SCN11A: variants seen among roughly 807,000 people sequenced by gnomAD.
The protein encoded by SCN11A is sodium voltage-gated channel alpha subunit 11.
In SCN11A, 122 loss-of-function variants were observed where a neutral mutation model predicts 162.2. The observed-to-expected ratio is 0.75, with a 90% CI of 0.65 to 0.87. The LOEUF (loss-of-function observed/expected upper bound fraction) is 0.87, where lower values mean the gene tolerates loss of function less well. Ranked by LOEUF, SCN11A falls within the 40% of genes least tolerant of loss-of-function variation. SCN11A has a pLI of 0.00. For synonymous variants in SCN11A, 758 were observed against 751.5 expected (o/e 1.01, Z -0.14); for missense variants, 2,015 against 2,181.6 (o/e 0.92, Z 1.52).
chr3:38,903,837 T>G, intron 16 of SCN11A, 28 bp downstream of exon 16: 1 of 1,474,248 alleles, frequency 6.8e-7, no homozygotes, highest in Non-Finnish European at 9.3e-7. Flanking sequence ...TGAAATATGT[T>G]TTTTATTTTT....
chr3:38,907,349 TCTATATATACACACACACACACACACAC>T (rs2065814014), intron 14 of SCN11A, among the ~76,000 whole-genome samples: 1 of 16,536 alleles, frequency 6.0e-5, no homozygotes, highest in African/African-American at 9.2e-5. Flanking sequence ...TGTGTATATA[TCTATATATACACACACACACACACACAC>T]ACACACACAC....
At chr3:38,871,102 A>T (rs2065118863) in intron 25 of SCN11A, among the ~76,000 whole-genome samples, 1 of 152,216 alleles carries the variant, frequency 6.6e-6, no homozygotes, top group African/African-American at 2.4e-5. Flanking sequence ...AAGACCTGGC[A>T]ACTGTGCTTT....
chr3:38,954,680 A>G (rs2066660565), intron 3 of SCN11A, among the ~76,000 whole-genome samples: 1 of 152,180 alleles, frequency 6.6e-6, no homozygotes, highest in Non-Finnish European at 1.5e-5. Flanking sequence ...ACACACACCT[A>G]AAGAACCACA....
At chr3:38,877,411 CTATATATATGG>C (rs1192670892) in intron 23 of SCN11A, among the ~76,000 whole-genome samples, 1 of 1,734 alleles carries the variant, frequency 5.8e-4, no homozygotes, top group African/African-American at 2.6e-3. Flanking sequence ...GGTGTATATA[CTATATATATGG>C]TATATATATG....
chr3:38,858,135 G>A (rs1200109676), intron 28 of SCN11A, among the ~76,000 whole-genome samples: 1 of 152,064 alleles, frequency 6.6e-6, no homozygotes, highest in Non-Finnish European at 1.5e-5. Context: ...AAAGTATTTA[G>A]GCAACAACTA....
At chr3:38,945,564 G>T in intron 6 of SCN11A, 52 bp from the exon 7 acceptor site, 1 of 1,300,934 alleles carries the variant, frequency 7.7e-7, no homozygotes, top group Non-Finnish European at 1.1e-6. Flanking sequence ...TGCATCATTA[G>T]CTACTGGGTA....
At chr3:38,873,748 C>T (rs561781731) in intron 23 of SCN11A, among the ~76,000 whole-genome samples, 2 of 152,332 alleles carry the variant, frequency 1.3e-5, no homozygotes, top group South Asian at 2.1e-4. Flanking sequence ...GAAACACCCA[C>T]ATTCTTTCCC....
At chr3:39,025,424 C>G (rs957797996) in intron 2 of SCN11A, among the ~76,000 whole-genome samples, 1 of 152,238 alleles carries the variant, frequency 6.6e-6, no homozygotes, top group Non-Finnish European at 1.5e-5. Flanking sequence ...GCACAGGACG[C>G]GCAGCTGGTT....
At chr3:39,037,824 AAAG>A (rs1256965948) in intron 1 of SCN11A, among the ~76,000 whole-genome samples, 2 of 152,324 alleles carry the variant, frequency 1.3e-5, no homozygotes, top group African/African-American at 2.4e-5. Context: ...AGCCGAAAAT[AAAG>A]AAGGATGTTA....
At chr3:38,981,641 T>C (rs146609390) in intron 2 of SCN11A, among the ~76,000 whole-genome samples, 231 of 151,868 alleles carry the variant, frequency 1.5e-3, no homozygotes, top group African/African-American at 5.4e-3. Flanking sequence ...CAAAGTGCCA[T>C]AGTAGCCATC....
intron 17 of SCN11A, 66 bp downstream of exon 17, chr3:38,899,828 C>T: frequency 1.5e-6 from 2 of 1,329,314 alleles, no homozygotes; most frequent in Admixed American, 1.9e-5. Flanking sequence ...AACCACTGAA[C>T]TCACTCAAAA....
Position 38,926,601 on chromosome 3 carries a change from A to T in SCN11A, c.617+202T>A, listed in dbSNP as rs112060534. ...TGAAGGAACACGAACTTGAGTGTTG[A>T]CCTAGAAATGGCTTTGTGTGTGGGG... On this transcript the variant is annotated intron_variant, in intron 8 of 29. Coordinates refer to ENST00000302328, the MANE Select transcript of SCN11A (RefSeq NM_001349253.2). 0.011 allele frequency among the ~76,000 whole-genome samples: 1,668 copies of T among 151,910 alleles called. 34 individuals carry two copies. The highest frequency in any genetic ancestry group is 0.039 in the African/African-American group (1,601 of 41,368).
rs1267164388 is a variant in SCN11A, at chr3:38,846,888, TG to T, written c.5181del (p.Thr1728ProfsTer21). ...LKKLYEPIVT[T>X]TKRKEEERGA... ...CCTCTTTCCTCTTCCTTTCTCTTGG[TG>T]GTGGTGACTATGGGTTCATACAACT... On this transcript the variant is annotated frameshift_variant, in exon 30 of 30. Coordinates refer to ENST00000302328, the MANE Select transcript of SCN11A (RefSeq NM_001349253.2). LOFTEE classifies it low-confidence loss of function (END_TRUNC). 1 of 1,614,160 alleles carries T rather than the reference TG, an allele frequency of 6.2e-7. No individual in the cohort carries two copies.
intron 1 of SCN11A, among the ~76,000 whole-genome samples, chr3:39,041,372 C>A (rs2032045760): frequency 6.6e-6 from 1 of 152,052 alleles, no homozygotes; most frequent in South Asian, 2.1e-4. Flanking sequence ...CAAATATAGT[C>A]AACCCAAAAA....
In SCN11A at chr3:38,886,106, A is replaced by G; in HGVS notation, c.2949+19T>C. Reference sequence around the variant, plus strand: ...TGGATGAGCCACAAGTTCCTCTGACAACATCCTAGGAAAATTACCTTTCGG... The same window carrying G: ...TGGATGAGCCACAAGTTCCTCTGACGACATCCTAGGAAAATTACCTTTCGG... On this transcript the variant is annotated intron_variant, in intron 20 of 29. Transcript: ENST00000302328. 6.5e-7 allele frequency: 1 copy of G among 1,534,702 alleles called. No individual in the cohort carries two copies. Among genetic ancestry groups the G allele is most frequent in the Non-Finnish European group, 9.0e-7 (1 of 1,109,554 alleles).
chr3:38,893,241 A>G (rs1464437314), intron 19 of SCN11A, among the ~76,000 whole-genome samples: 2 of 152,180 alleles, frequency 1.3e-5, no homozygotes, highest in East Asian at 3.8e-4. Context: ...AAATAGATTT[A>G]AAAACAAAAA....
intron 1 of SCN11A, among the ~76,000 whole-genome samples, chr3:39,035,604 T>A (rs2125613558): frequency 6.6e-6 from 1 of 152,214 alleles, no homozygotes; most frequent in African/African-American, 2.4e-5. Context: ...TGAAGTGCAG[T>A]GGCTATTCAC....
intron 27 of SCN11A, among the ~76,000 whole-genome samples, chr3:38,865,081 T>C (rs890588386): frequency 2.6e-5 from 4 of 152,156 alleles, no homozygotes; most frequent in African/African-American, 9.7e-5. Flanking sequence ...GTCTGTGGTT[T>C]GCTCCATAAA....
chr3:38,918,487 TCTAA>T (rs2065995677), intron 11 of SCN11A, among the ~76,000 whole-genome samples: 1 of 152,188 alleles, frequency 6.6e-6, no homozygotes, highest in African/African-American at 2.4e-5. Context: ...CTTATGAGAA[TCTAA>T]CTAATGCCTG....
Sources: gnomAD v4.1 joint callset for allele counts (sites outside exome capture counted in the v4.1 genomes callset) on GRCh38, gnomAD v4.1.1 for gene constraint, MANE v1.5 for transcripts, NCBI Gene and HGNC (gene_info 2026-07-23, HGNC 2026-07-21) for gene names.